Variants in DLG2 observed in about 807,000 individuals in gnomAD.
DLG2 encodes the protein discs large MAGUK scaffold protein 2.
Under a neutral mutation model 132.5 loss-of-function variants are expected in DLG2, and 45 were observed. That is an observed-to-expected ratio of 0.34 (90% CI 0.27 to 0.44). The LOEUF (loss-of-function observed/expected upper bound fraction) is 0.44, where lower values mean the gene tolerates loss of function less well. Ranked by LOEUF, DLG2 falls within the 20% of genes least tolerant of loss-of-function variation. The pLI is 1.00. For synonymous variants in DLG2, 424 were observed against 419.6 expected (o/e 1.01, Z -0.13); for missense variants, 1,045 against 1,196.9 (o/e 0.87, Z 1.87).
At chr11:83,870,654 C>A (rs1565426024) in intron 16 of DLG2, among the ~76,000 whole-genome samples, 1 of 152,170 alleles carries the variant, frequency 6.6e-6, no homozygotes, top group African/African-American at 2.4e-5. Flanking sequence ...CTAGGTGCTA[C>A]AGAAGAGTGA....
chr11:85,151,309 T>C lies in DLG2; in HGVS notation c.282+3247A>G, dbSNP rs190289633. On this transcript the variant is annotated intron_variant, in intron 5 of 27. Transcript: ENST00000376104. ...TTTGCAAATACTTCCTCCAGTTCCA[T>C]TGGTTGTCTTTTCACTCTGGTCATT... Among the ~76,000 whole-genome samples the C allele has an allele frequency of 2.1e-3, 313 of 152,304 alleles. 3 individuals are homozygous for C. The highest frequency in any genetic ancestry group is 7.1e-3 in the African/African-American group (297 of 41,584).
At chr11:83,557,941 G>A (rs2096547556) in intron 19 of DLG2, among the ~76,000 whole-genome samples, 1 of 152,058 alleles carries the variant, frequency 6.6e-6, no homozygotes, top group South Asian at 2.1e-4. Flanking sequence ...TCCACAAGGG[G>A]CCTTTTTCAA....
At chr11:85,041,682 G>C (rs1359335999) in intron 6 of DLG2, among the ~76,000 whole-genome samples, 2 of 151,946 alleles carry the variant, frequency 1.3e-5, no homozygotes, top group African/African-American at 2.4e-5. Context: ...TGGTGATTAA[G>C]CTGGGGTAAA....
At chr11:84,236,412 C>G (rs966004107) in intron 8 of DLG2, among the ~76,000 whole-genome samples, 2 of 152,222 alleles carry the variant, frequency 1.3e-5, no homozygotes, top group Non-Finnish European at 2.9e-5. Context: ...CTACAATAAC[C>G]TACCTCAAGG....
intron 7 of DLG2, among the ~76,000 whole-genome samples, chr11:84,486,017 C>G (rs147561019): frequency 1.2e-4 from 18 of 152,206 alleles, no homozygotes; most frequent in African/African-American, 4.1e-4. Flanking sequence ...GGGAAGGCAA[C>G]CTGACATTTC....
chr11:83,616,661 C>T (rs1391990437), intron 19 of DLG2, among the ~76,000 whole-genome samples: 1 of 152,090 alleles, frequency 6.6e-6, no homozygotes, highest in Non-Finnish European at 1.5e-5. Context: ...TAATGTAGTT[C>T]ATCAATATTT....
chr11:85,558,195 A>G (rs948869534), intron 3 of DLG2, among the ~76,000 whole-genome samples: 1 of 151,988 alleles, frequency 6.6e-6, no homozygotes, highest in African/African-American at 2.4e-5. Flanking sequence ...CAACAAACAT[A>G]TGAAAAATGC....
intron 3 of DLG2, among the ~76,000 whole-genome samples, chr11:85,571,304 T>C (rs912969930): frequency 1.8e-4 from 28 of 152,236 alleles, no homozygotes; most frequent in Non-Finnish European, 1.5e-5. Context: ...ATTTGTTTAG[T>C]AACCTTTTAT....
chr11:84,689,925 A>G (rs1294555088), intron 6 of DLG2, among the ~76,000 whole-genome samples: 1 of 152,024 alleles, frequency 6.6e-6, no homozygotes, highest in Admixed American at 6.6e-5. Context: ...ATAGTCAAAA[A>G]ATATTTTGTG....
intron 3 of DLG2, among the ~76,000 whole-genome samples, chr11:85,396,815 A>G (rs1299857360): frequency 6.6e-6 from 1 of 152,244 alleles, no homozygotes; most frequent in Non-Finnish European, 1.5e-5. Flanking sequence ...GTGTACTGGA[A>G]AGTGATGCGG....
intron 12 of DLG2, among the ~76,000 whole-genome samples, chr11:83,967,395 T>G (rs1322410599): frequency 2.0e-5 from 3 of 152,140 alleles, no homozygotes; most frequent in Non-Finnish European, 2.9e-5. Context: ...TCACTGACAT[T>G]TGTTATTCTC....
chr11:85,456,499 C>G (rs1025340080), intron 3 of DLG2, among the ~76,000 whole-genome samples: 2 of 152,104 alleles, frequency 1.3e-5, no homozygotes, highest in East Asian at 3.9e-4. Flanking sequence ...TATTTCTTGT[C>G]TTCTGCTAGC....
intron 6 of DLG2, among the ~76,000 whole-genome samples, chr11:84,782,554 A>G (rs117575862): frequency 0.065 from 9,842 of 152,142 alleles, 386 homozygotes; most frequent in Non-Finnish European, 0.094. Flanking sequence ...TGGAAGATCT[A>G]TGAATCCCGG....
chr11:84,624,319 C>T (rs2099618626), intron 6 of DLG2, among the ~76,000 whole-genome samples: 1 of 152,122 alleles, frequency 6.6e-6, no homozygotes. Flanking sequence ...CGATCACTAA[C>T]GCCACCACTA....
chr11:85,330,926 T>C (rs1254140163), intron 3 of DLG2, among the ~76,000 whole-genome samples: 2 of 152,178 alleles, frequency 1.3e-5, no homozygotes, highest in South Asian at 2.1e-4. Flanking sequence ...AAAGTGATTA[T>C]TGGGATTTCC....
At chr11:84,615,739 T>C (rs1488554869) in intron 6 of DLG2, among the ~76,000 whole-genome samples, 3 of 148,676 alleles carry the variant, frequency 2.0e-5, no homozygotes, top group African/African-American at 7.5e-5. Context: ...AAGGGCCCTA[T>C]GATATTTTGT....
intron 6 of DLG2, among the ~76,000 whole-genome samples, chr11:84,794,002 A>G (rs1391414909): frequency 1.3e-5 from 2 of 151,822 alleles, no homozygotes; most frequent in African/African-American, 4.8e-5. Flanking sequence ...CCTTCCTTGT[A>G]GTGAAAGTGA....
chr11:84,695,756 G>A (rs985115419), intron 6 of DLG2, among the ~76,000 whole-genome samples: 1 of 150,626 alleles, frequency 6.6e-6, no homozygotes, highest in Non-Finnish European at 1.5e-5. Context: ...AGTTTAGTAA[G>A]AGAGATCAAC....
intron 3 of DLG2, among the ~76,000 whole-genome samples, chr11:85,588,165 A>G (rs78932656): frequency 0.036 from 5,548 of 152,232 alleles, 157 homozygotes; most frequent in Admixed American, 0.053. Context: ...TAACCTGATG[A>G]CAACTATGTG....
Sources: allele counts gnomAD v4.1 joint callset (sites outside exome capture counted in the v4.1 genomes callset), GRCh38; gene constraint gnomAD v4.1.1; transcripts MANE v1.5; gene names NCBI Gene and HGNC (gene_info 2026-07-23, HGNC 2026-07-21).